Variants in FAM81A observed in about 807,000 individuals in gnomAD.
The protein encoded by FAM81A is family with sequence similarity 81 member A.
Under a neutral mutation model 46.7 loss-of-function variants are expected in FAM81A, and 19 were observed. The observed-to-expected ratio is 0.41, with a 90% CI of 0.28 to 0.60. The LOEUF is 0.60. Among genes scored for constraint, FAM81A ranks in the 20% least tolerant of loss-of-function variants. The pLI, the probability that FAM81A is intolerant of heterozygous loss-of-function variation, is 0.34. For missense variants in FAM81A, 377 were observed against 453.5 expected, an observed-to-expected ratio of 0.83 and a Z score of 1.53; for synonymous variants, 183 against 152.9, an observed-to-expected ratio of 1.20 and a Z score of -1.45.
At chr15:59,409,159 A>T (rs2081109458) in intron 2 of FAM81A, 2 of 152,180 alleles carry the variant, frequency 1.3e-5, no homozygotes, top group African/African-American at 4.8e-5. Flanking sequence ...CCTCCTCCAG[A>T]CACCCACTTA....
chr15:59,407,437 G>T (rs1386519468), intron 2 of FAM81A, among the ~76,000 whole-genome samples: 1 of 151,834 alleles, frequency 6.6e-6, no homozygotes, highest in Non-Finnish European at 1.5e-5. Context: ...TGGGACTACA[G>T]GCACCCGCCA....
chr15:59,480,639 C>G (rs1202705655), intron 3 of FAM81A, among the ~76,000 whole-genome samples: 1 of 152,054 alleles, frequency 6.6e-6, no homozygotes, highest in African/African-American at 2.4e-5. Flanking sequence ...TTTCTTGCTG[C>G]AAGAAAAGCA....
At position 59,521,135 on chromosome 15, in the gene FAM81A, A is replaced by G. The variant is rs975433085; in HGVS notation, c.983-119A>G. Reference sequence around the variant, plus strand: ...CTGTTCCCCATCATACTTTCATCCCAGAGGTTTTAGCATCTATTAATAATT... The same window carrying G: ...CTGTTCCCCATCATACTTTCATCCCGGAGGTTTTAGCATCTATTAATAATT... On this transcript the variant is annotated intron_variant, in intron 8 of 8. Coordinates refer to ENST00000288228, the MANE Select transcript of FAM81A (RefSeq NM_152450.3). The G allele has an allele frequency of 2.7e-6, 3 of 1,123,288 alleles. No homozygotes were observed. The African/African-American group carries it at 4.8e-5, about 18-fold the overall frequency. The allele number at this position is 1,123,288 out of a possible 1,614,324, so 69.6% of individuals were successfully genotyped here. A position where few individuals can be genotyped will look rare whatever the true frequency, so the allele number is the denominator to read the frequency against.
intron 1 of FAM81A, among the ~76,000 whole-genome samples, chr15:59,441,005 C>T (rs541093081): frequency 6.6e-6 from 1 of 152,276 alleles, no homozygotes; most frequent in South Asian, 2.1e-4. Flanking sequence ...GATAAATTCC[C>T]ACTTTACCTT....
Position 59,461,929 on chromosome 15 carries a change from C to T in FAM81A, c.294+1723C>T, listed in dbSNP as rs147296312. Among the ~76,000 whole-genome samples the T allele has an allele frequency of 6.6e-4, 101 of 152,234 alleles. 2 individuals carry two copies. Among genetic ancestry groups the T allele is most frequent in the African/African-American group, 2.1e-3 (89 of 41,542 alleles). Reference sequence around the variant, plus strand: ...ACTTTTTAAAACATAGCTGGCAGGGCGCGGTGGCTCATGCCTGTAATCCCA... The same window carrying T: ...ACTTTTTAAAACATAGCTGGCAGGGTGCGGTGGCTCATGCCTGTAATCCCA... On this transcript the variant is annotated intron_variant, in intron 3 of 8. Transcript: ENST00000288228.
At chr15:59,461,932 G>A (rs1206563660) in intron 3 of FAM81A, among the ~76,000 whole-genome samples, 10 of 152,086 alleles carry the variant, frequency 6.6e-5, no homozygotes, top group Non-Finnish European at 1.0e-4. Context: ...GGCAGGGCGC[G>A]GTGGCTCATG....
intron 4 of FAM81A, among the ~76,000 whole-genome samples, chr15:59,503,157 G>A (rs1468904146): frequency 1.3e-5 from 2 of 148,670 alleles, no homozygotes; most frequent in East Asian, 2.0e-4. Flanking sequence ...CAGGACAATC[G>A]CTTGAGCCCG....
At chr15:59,424,280 G>C (rs532749178) in intron 2 of FAM81A, among the ~76,000 whole-genome samples, 1 of 152,146 alleles carries the variant, frequency 6.6e-6, no homozygotes, top group Non-Finnish European at 1.5e-5. Flanking sequence ...AACTATGAAG[G>C]CTCTTTCTTC....
At chr15:59,415,550 A>G (rs2081143166) in intron 2 of FAM81A, among the ~76,000 whole-genome samples, 1 of 152,192 alleles carries the variant, frequency 6.6e-6, no homozygotes, top group Admixed American at 6.5e-5. Context: ...ATCTTCTGTC[A>G]TGTGCCAAAG....
chr15:59,418,000 C>A (rs2081154547), intron 2 of FAM81A, among the ~76,000 whole-genome samples: 1 of 152,150 alleles, frequency 6.6e-6, no homozygotes, highest in African/African-American at 2.4e-5. Flanking sequence ...CATTCCCCAC[C>A]TGTGAGTGAG....
At chr15:59,411,473 G>C (rs1436851479) in intron 2 of FAM81A, among the ~76,000 whole-genome samples, 1 of 152,204 alleles carries the variant, frequency 6.6e-6, no homozygotes, top group African/African-American at 2.4e-5. Flanking sequence ...GTATTGATCA[G>C]AATGTATACA....
chr15:59,521,612 A>G lies in FAM81A; in HGVS notation c.*234A>G. Reference sequence around the variant, plus strand: ...TTTCACTTCTCTAAATTCAATGGAAATCCCCCGCCCTGGATTTTGAAAGGC... The same window carrying G: ...TTTCACTTCTCTAAATTCAATGGAAGTCCCCCGCCCTGGATTTTGAAAGGC... On this transcript the variant is annotated 3_prime_UTR_variant, in exon 9 of 9. Coordinates refer to ENST00000288228, the MANE Select transcript of FAM81A (RefSeq NM_152450.3). 2.6e-6 allele frequency: 1 copy of G among 390,550 alleles called. No homozygotes were observed. 24.2% of individuals were successfully genotyped at this position (390,550 alleles called of 1,614,324 possible).
chr15:59,514,899 A>G (rs2141838007), intron 7 of FAM81A, among the ~76,000 whole-genome samples: 1 of 152,250 alleles, frequency 6.6e-6, no homozygotes, highest in Non-Finnish European at 1.5e-5. Context: ...CTTCTCCTTC[A>G]TCCCAGTCTC....
rs540645082 is a variant in FAM81A, at chr15:59,467,456, T to C, written c.294+7250T>C. ...GTAAGTTGGATTCCTAGGTATTTTA[T>C]TCTCTTTGTAGCAATTGTGAATGGG... is the stretch of plus-strand genomic sequence containing the variant. On this transcript the variant is annotated intron_variant, in intron 3 of 8. Coordinates refer to ENST00000288228, the MANE Select transcript of FAM81A (RefSeq NM_152450.3). Among the ~76,000 whole-genome samples the C allele has an allele frequency of 2.0e-5, 3 of 152,330 alleles. No individual in the cohort carries two copies. In the South Asian group the frequency reaches 6.2e-4, roughly 32 times the overall value.
At chr15:59,463,643 G>C (rs977205455) in intron 3 of FAM81A, among the ~76,000 whole-genome samples, 4 of 151,860 alleles carry the variant, frequency 2.6e-5, no homozygotes, top group African/African-American at 9.7e-5. Context: ...AGGAATTTGA[G>C]ACCAGCCTGA....
At chr15:59,481,346 A>T (rs562722239) in intron 3 of FAM81A, among the ~76,000 whole-genome samples, 6 of 152,252 alleles carry the variant, frequency 3.9e-5, no homozygotes, top group African/African-American at 1.2e-4. Context: ...AAGAATTTGG[A>T]GAGTTAAATG....
intron 3 of FAM81A, among the ~76,000 whole-genome samples, chr15:59,471,934 G>T (rs1478719593): frequency 6.6e-6 from 1 of 152,142 alleles, no homozygotes; most frequent in Non-Finnish European, 1.5e-5. Context: ...GATGGTTAAA[G>T]AAAATGACTG....
rs1459291518 is a variant in FAM81A, at chr15:59,507,593, A to G, written c.543+251A>G. On this transcript the variant is annotated intron_variant, in intron 5 of 8. Transcript: ENST00000288228. ...TACTCCCCACCACCACATTCCTAGA[A>G]CAACTAATACATTCCAGAAATTCTA... 3.3e-5 allele frequency among the ~76,000 whole-genome samples: 5 copies of G among 152,312 alleles called. No homozygotes were observed. In the South Asian group the frequency reaches 1.0e-3, roughly 32 times the overall value.
At chr15:59,429,959 G>T (rs1204003070) in intron 2 of FAM81A, among the ~76,000 whole-genome samples, 1 of 152,204 alleles carries the variant, frequency 6.6e-6, no homozygotes, top group East Asian at 1.9e-4. Flanking sequence ...CAGGTAGTAG[G>T]ACTAGGGAGG....
Sources: allele counts gnomAD v4.1 joint callset (sites outside exome capture counted in the v4.1 genomes callset), GRCh38; gene constraint gnomAD v4.1.1; transcripts MANE v1.5; gene names NCBI Gene and HGNC (gene_info 2026-07-23, HGNC 2026-07-21).